Variants in PDE8B observed in about 807,000 individuals in gnomAD.
PDE8B encodes phosphodiesterase 8B.
PDE8B carries 26 observed loss-of-function variants against 101.3 expected under a neutral mutation model. That is an observed-to-expected ratio of 0.26 (90% CI 0.19 to 0.36). The LOEUF is 0.36. Ranked by LOEUF, PDE8B falls within the 10% of genes least tolerant of loss-of-function variation. PDE8B has a pLI of 1.00. For missense variants in PDE8B, 810 were observed against 1,163.1 expected (o/e 0.70, Z 4.42); for synonymous variants, 424 against 429.3 (o/e 0.99, Z 0.15).
intron 10 of PDE8B, among the ~76,000 whole-genome samples, chr5:77,362,943 A>C (rs1396631251): frequency 6.6e-6 from 1 of 152,102 alleles, no homozygotes; most frequent in African/African-American, 2.4e-5. Context: ...GCTCAGCCTG[A>C]CCAGACCCTC....
intron 11 of PDE8B, among the ~76,000 whole-genome samples, chr5:77,402,305 A>G (rs1298901068): frequency 6.6e-6 from 1 of 152,022 alleles, no homozygotes; most frequent in Non-Finnish European, 1.5e-5. Flanking sequence ...GTAAACTACT[A>G]AGGTAGAATT....
At chr5:77,278,520 A>G (rs924155767) in intron 1 of PDE8B, among the ~76,000 whole-genome samples, 1 of 151,990 alleles carries the variant, frequency 6.6e-6, no homozygotes, top group South Asian at 2.1e-4. Flanking sequence ...CCCTGGCTGG[A>G]GTGCAGTGGC....
the PDE8B span, among the ~76,000 whole-genome samples, chr5:77,204,049 A>ACT: frequency 3.3e-5 from 4 of 119,840 alleles, no homozygotes; most frequent in East Asian, 1.4e-3. Context: ...TTGTACCCTT[A>ACT]GTTTTTTTTT....
intron 1 of PDE8B, among the ~76,000 whole-genome samples, chr5:77,212,528 G>C (rs1748693818): frequency 6.6e-6 from 1 of 152,152 alleles, no homozygotes; most frequent in Non-Finnish European, 1.5e-5. Flanking sequence ...TTCTCTGGCA[G>C]TAATCATAAT....
chr5:77,116,526 G>A, the PDE8B span, among the ~76,000 whole-genome samples: 1 of 152,122 alleles, frequency 6.6e-6, no homozygotes, highest in East Asian at 1.9e-4. Context: ...ACAGGCGTAA[G>A]CCACCACGCC....
At chr5:77,244,181 G>A (rs1374025627) in intron 1 of PDE8B, among the ~76,000 whole-genome samples, 1 of 152,050 alleles carries the variant, frequency 6.6e-6, no homozygotes, top group East Asian at 1.9e-4. Flanking sequence ...CTAATCAGAT[G>A]GGTTTTAGAA....
the PDE8B span, among the ~76,000 whole-genome samples, chr5:77,128,555 T>TCCAGTGTC: frequency 7.2e-5 from 11 of 152,270 alleles, no homozygotes; most frequent in South Asian, 4.1e-4. Context: ...AAGCTACAGA[T>TCCAGTGTC]CCAGTGTCTG....
intron 1 of PDE8B, among the ~76,000 whole-genome samples, chr5:77,268,248 GTA>G (rs1210465477): frequency 2.0e-5 from 3 of 151,666 alleles, no homozygotes; most frequent in African/African-American, 7.3e-5. Flanking sequence ...TATATGGTAG[GTA>G]TATATATATT....
chr5:77,353,213 CT>C, intron 9 of PDE8B, 132 bp from the exon 10 acceptor site: 1 of 683,888 alleles, frequency 1.5e-6, no homozygotes, highest in South Asian at 1.6e-5. Flanking sequence ...TAGATTGAGT[CT>C]TGCTTGAATT....
intron 17 of PDE8B, among the ~76,000 whole-genome samples, chr5:77,417,928 A>G (rs1212184655): frequency 1.3e-5 from 2 of 152,196 alleles, no homozygotes; most frequent in Non-Finnish European, 2.9e-5. Context: ...TGGCAGAAAT[A>G]CCATACAGTG....
At position 77,418,156 on chromosome 5, in the gene PDE8B, C is replaced by T. The variant is rs546292933; in HGVS notation, c.1912-73C>T. 23 of 1,001,508 alleles carry T rather than the reference C, an allele frequency of 2.3e-5. No homozygotes were observed. The East Asian group carries it at 2.6e-4, about 11-fold the overall frequency. 62.0% of individuals were successfully genotyped at this position (1,001,508 alleles called of 1,614,324 possible). On this transcript the variant is annotated intron_variant, in intron 17 of 21. Coordinates refer to ENST00000264917, the MANE Select transcript of PDE8B (RefSeq NM_003719.5). ...TCTCAAATCCCCTGACCCGACCCTC[C>T]GCACAGACAAGGATGGATGTGGGTC...
the PDE8B span, chr5:77,180,439 C>T: frequency 4.1e-6 from 4 of 985,280 alleles, no homozygotes; most frequent in Non-Finnish European, 1.2e-6. Flanking sequence ...CCAGGAGCCG[C>T]CCGCCGCCGG....
chr5:77,313,813 T>C (rs1312222727), intron 2 of PDE8B, among the ~76,000 whole-genome samples: 1 of 152,202 alleles, frequency 6.6e-6, no homozygotes, highest in Non-Finnish European at 1.5e-5. Flanking sequence ...TTCTTTCCTC[T>C]CTGAAAGCAA....
intron 10 of PDE8B, among the ~76,000 whole-genome samples, chr5:77,399,538 T>C (rs1257335032): frequency 1.3e-5 from 2 of 152,254 alleles, no homozygotes; most frequent in Non-Finnish European, 2.9e-5. Context: ...ATAAGTTTAA[T>C]AGAACTAAAT....
chr5:77,179,873 A>T, the PDE8B span, among the ~76,000 whole-genome samples: 3 of 152,020 alleles, frequency 2.0e-5, no homozygotes, highest in Non-Finnish European at 4.4e-5. Flanking sequence ...TGTTATTTTC[A>T]CATTCATTCT....
intron 20 of PDE8B, among the ~76,000 whole-genome samples, chr5:77,424,733 T>A (rs1480810808): frequency 1.3e-5 from 2 of 152,220 alleles, no homozygotes; most frequent in Admixed American, 1.3e-4. Context: ...CAGAGACATG[T>A]ACTTCGAAGG....
chr5:77,179,826 G>A, the PDE8B span, among the ~76,000 whole-genome samples: 1 of 152,124 alleles, frequency 6.6e-6, no homozygotes, highest in Non-Finnish European at 1.5e-5. Context: ...CTCTCAAAGT[G>A]TCAGGATTAC....
At chr5:77,135,443 T>C in the PDE8B span, among the ~76,000 whole-genome samples, 3 of 152,118 alleles carry the variant, frequency 2.0e-5, no homozygotes, top group Non-Finnish European at 4.4e-5. Flanking sequence ...ACCCTTTCAG[T>C]TGAGGGACTC....
chr5:77,186,803 C>T, the PDE8B span, among the ~76,000 whole-genome samples: 585 of 152,162 alleles, frequency 3.8e-3, 4 homozygotes, highest in African/African-American at 0.013. Flanking sequence ...CACCATAGTG[C>T]GCAGAGGGGA....
Sources: allele counts gnomAD v4.1 joint callset (sites outside exome capture counted in the v4.1 genomes callset), GRCh38; gene constraint gnomAD v4.1.1; transcripts MANE v1.5; gene names NCBI Gene and HGNC (gene_info 2026-07-23, HGNC 2026-07-21).